Variants in PMS2 observed in about 807,000 individuals in gnomAD.
PMS2 encodes the protein mismatch repair endonuclease PMS2.
Under a neutral mutation model 90.0 loss-of-function variants are expected in PMS2, and 69 were observed. That is an observed-to-expected ratio of 0.77 (90% CI 0.63 to 0.94). The LOEUF (loss-of-function observed/expected upper bound fraction) is 0.94. Ranked by LOEUF, PMS2 falls within the 40% of genes least tolerant of loss-of-function variation. The probability of loss-of-function intolerance (pLI) is 0.00; values close to 1 mark genes in which losing one functional copy is unlikely to be tolerated. For synonymous variants in PMS2, 332 were observed against 375.1 expected (o/e 0.89, Z 1.33); for missense variants, 966 against 1,040.2 (o/e 0.93, Z 0.98).
chr7:5,999,123 C>A lies in PMS2; in HGVS notation c.690G>T (p.Val230=), dbSNP rs749871098. Reference sequence around the variant, plus strand: ...CCATCACTACCTGCTTCTGCCCAAACACAGAGCCGATATTTTCCTTTATGC... The same window carrying A: ...CCATCACTACCTGCTTCTGCCCAAAAACAGAGCCGATATTTTCCTTTATGC... ...SPSIKENIGS[V]FGQKQLQSLI... Residue 230 remains valine, a synonymous_variant, in exon 6 of 15, where the codon GTG becomes GTT. Transcript: ENST00000265849. 1.9e-6 allele frequency: 3 copies of A among 1,614,116 alleles called. No individual in the cohort carries two copies. The highest frequency in any genetic ancestry group is 1.1e-5 in the South Asian group (1 of 91,086).
chr7:5,986,668 C>T lies in PMS2; in HGVS notation c.2006+91G>A, dbSNP rs1359220533. The T allele has an allele frequency of 3.5e-5, 36 of 1,018,706 alleles. 1 individual carries two copies. Among genetic ancestry groups the T allele is most frequent in the South Asian group, 7.4e-5 (4 of 54,188 alleles). The allele number at this position is 1,018,706 out of a possible 1,614,324, so 63.1% of individuals were successfully genotyped here. A position where few individuals can be genotyped will look rare whatever the true frequency, so the allele number is the denominator to read the frequency against. Reference sequence around the variant, plus strand: ...GATCATGCCACTGCATTCCAGCCTGCGCAACAGAGCAAGACTCTGTCTCAA... The same window carrying T: ...GATCATGCCACTGCATTCCAGCCTGTGCAACAGAGCAAGACTCTGTCTCAA... On this transcript the variant is annotated intron_variant, in intron 11 of 14. Transcript: ENST00000265849.
chr7:5,978,192 T>C (rs1193715371), intron 13 of PMS2, among the ~76,000 whole-genome samples: 2 of 150,686 alleles, frequency 1.3e-5, no homozygotes, highest in African/African-American at 4.9e-5. Flanking sequence ...TTTTTAATCT[T>C]TTATAAAATT....
In PMS2 at chr7:5,997,396, G is replaced by C. The variant is rs201375580; in HGVS notation, c.733C>G (p.Leu245Val). The C allele has an allele frequency of 6.3e-7, 1 of 1,598,320 alleles. No individual in the cohort carries two copies. The highest frequency in any genetic ancestry group is 1.4e-5 in the African/African-American group (1 of 73,260). ...TCACACACGGAGTCACTAGGGGGCA[G>C]CTGAACAAAAGGAATGAGGCTTTGC... ...QLQSLIPFVQ[L>V]PPSDSVCEEY... The change falls in exon 7 of 15, where the codon CTG (leucine) becomes GTG (valine). Residue 245 changes from leucine to valine, a missense_variant. Physicochemically the swap from Leu to Val is conservative, Grantham distance 32. Around this residue, in one of 2 missense-constraint regions of PMS2, gnomAD observed 871 missense variants for 802.4 expected, o/e 1.09. Coordinates refer to ENST00000265849, the MANE Select transcript of PMS2 (RefSeq NM_000535.7).
chr7:5,997,976 T>C (rs991441250), intron 6 of PMS2, among the ~76,000 whole-genome samples: 55 of 152,256 alleles, frequency 3.6e-4, no homozygotes, highest in African/African-American at 1.3e-3. Context: ...CTTATATTTT[T>C]TTCAGAGAGA....
At position 5,995,559 on chromosome 7, in the gene PMS2, T is replaced by C. The variant is rs1274671450; in HGVS notation, c.878A>G (p.Asn293Ser). 3.7e-6 allele frequency: 6 copies of C among 1,613,708 alleles called. No individual in the cohort carries two copies. Among genetic ancestry groups the C allele is most frequent in the East Asian group, 2.2e-5 (1 of 44,896 alleles). The change falls in exon 8 of 15, where the codon AAC becomes AGC. Residue 293 changes from asparagine to serine, a missense_variant. By Grantham distance (46) the Asn-to-Ser change is conservative (BLOSUM62 1). Transcript: ENST00000265849. ...CTTTGCTGGGTCACAAGGCCGCCGG[T>C]TGATAAAGAAAAACTGTCTGTCTGT... ...SSTDRQFFFINRRPCDPAKVC... is the reference protein window; with the variant it reads ...SSTDRQFFFISRRPCDPAKVC...
At position 5,991,666 on chromosome 7, in the gene PMS2, T is replaced by C. The variant is rs375782356; in HGVS notation, c.988+307A>G. On this transcript the variant is annotated intron_variant, in intron 9 of 14. Transcript: ENST00000265849. Reference sequence around the variant, plus strand: ...CATCCTGGCTAACACGGTGAAACCCTGTCTCTACTAAAAATACAAAAAATT... The same window carrying C: ...CATCCTGGCTAACACGGTGAAACCCCGTCTCTACTAAAAATACAAAAAATT... Among the ~76,000 whole-genome samples, 2 of 151,782 alleles carry C rather than the reference T, an allele frequency of 1.3e-5. 1 individual carries two copies. The highest frequency in any genetic ancestry group is 4.8e-5 in the African/African-American group (2 of 41,402).
intron 5 of PMS2, among the ~76,000 whole-genome samples, chr7:5,999,579 C>T (rs1272888704): frequency 6.6e-6 from 1 of 151,916 alleles, no homozygotes; most frequent in Non-Finnish European, 1.5e-5. Context: ...TCACTTGAGA[C>T]CAGGAGTTCA....
intron 1 of PMS2, 76 bp downstream of exon 1, chr7:6,008,921 C>T (rs2128864823): frequency 6.4e-7 from 1 of 1,559,524 alleles, no homozygotes. Flanking sequence ...CCCCCATTTC[C>T]AGGGAGGTTG....
chr7:5,982,537 A>G (rs1232488716), intron 12 of PMS2, among the ~76,000 whole-genome samples: 2 of 151,782 alleles, frequency 1.3e-5, no homozygotes, highest in African/African-American at 4.8e-5. Flanking sequence ...GGGTTTCACC[A>G]CGTTGGCCAG....
intron 12 of PMS2, among the ~76,000 whole-genome samples, chr7:5,981,040 G>A (rs1336826801): frequency 1.3e-5 from 2 of 151,606 alleles, no homozygotes. Context: ...ACTTCACTAC[G>A]TGGTTTAATT....
At chr7:5,988,208 G>A (rs181427760) in intron 10 of PMS2, among the ~76,000 whole-genome samples, 1 of 152,210 alleles carries the variant, frequency 6.6e-6, no homozygotes, top group East Asian at 1.9e-4. Context: ...TGGTACAGCT[G>A]CTTTGAAAAG....
intron 4 of PMS2, chr7:6,003,436 T>A (rs1389134032): frequency 4.3e-6 from 2 of 467,672 alleles, no homozygotes; most frequent in Non-Finnish European, 7.6e-6. Flanking sequence ...ATTATCTACA[T>A]GTTAGGTTAA....
intron 5 of PMS2, among the ~76,000 whole-genome samples, chr7:6,001,463 C>G (rs1318003640): frequency 6.6e-6 from 1 of 151,702 alleles, no homozygotes; most frequent in Admixed American, 6.6e-5. Context: ...CTCTGCCTCC[C>G]GGATTCCAGC....
chr7:5,989,337 A>G (rs1783454414), intron 10 of PMS2, among the ~76,000 whole-genome samples: 1 of 152,082 alleles, frequency 6.6e-6, no homozygotes, highest in South Asian at 2.1e-4. Flanking sequence ...AGGCTGAGGC[A>G]GGAGAATCTC....
At chr7:6,007,761 T>C (rs1038156182) in intron 1 of PMS2, among the ~76,000 whole-genome samples, 2 of 152,078 alleles carry the variant, frequency 1.3e-5, no homozygotes, top group Non-Finnish European at 2.9e-5. Flanking sequence ...CTGTCTACCA[T>C]GTGAAACTGC....
At chr7:6,006,790 A>C (rs551133549) in intron 1 of PMS2, among the ~76,000 whole-genome samples, 1 of 152,032 alleles carries the variant, frequency 6.6e-6, no homozygotes, top group South Asian at 2.1e-4. Context: ...TTGATACCCC[A>C]CTCCAAACTG....
At chr7:6,002,782 G>A in intron 4 of PMS2, 146 bp from the exon 5 acceptor site, 1 of 740,066 alleles carries the variant, frequency 1.4e-6, no homozygotes, top group Non-Finnish European at 2.5e-6. Context: ...AAATGGTTGA[G>A]GAGTCATCAT....
intron 5 of PMS2, 41 bp from the exon 6 acceptor site, chr7:5,999,316 ATAT>A (rs1321872070): frequency 1.9e-6 from 3 of 1,555,440 alleles, no homozygotes; most frequent in African/African-American, 2.7e-5. Flanking sequence ...CATTACTTTA[ATAT>A]TATAGGAATT....
chr7:6,008,179 G>A (rs1786080637), intron 1 of PMS2, among the ~76,000 whole-genome samples: 1 of 152,072 alleles, frequency 6.6e-6, no homozygotes. Context: ...TTATTTTGAG[G>A]AGGGAGCGCA....
Sources: allele counts gnomAD v4.1 joint callset (sites outside exome capture counted in the v4.1 genomes callset), GRCh38; gene constraint gnomAD v4.1.1; regional missense constraint gnomAD v4.1.1; transcripts MANE v1.5; gene names NCBI Gene and HGNC (gene_info 2026-07-23, HGNC 2026-07-21).